The following SCN11A variants were observed in gnomAD, a reference collection of about 807,000 sequenced individuals.
SCN11A encodes sodium channel protein type 11 subunit alpha.
SCN11A carries 122 observed loss-of-function variants against 162.2 expected under a neutral mutation model. The ratio of observed to expected loss-of-function variants is 0.75; its 90% CI spans 0.65 to 0.87. SCN11A has a LOEUF of 0.87. Ranked by LOEUF, SCN11A falls within the 40% of genes least tolerant of loss-of-function variation. The pLI is 0.00. For synonymous variants in SCN11A, 758 were observed against 751.5 expected, an observed-to-expected ratio of 1.01 and a Z score of -0.14; for missense variants, 2,015 against 2,181.6, an observed-to-expected ratio of 0.92 and a Z score of 1.52.
chr3:38,889,746 G>A (rs1046035111), intron 19 of SCN11A, among the ~76,000 whole-genome samples: 2 of 150,974 alleles, frequency 1.3e-5, no homozygotes, highest in African/African-American at 4.9e-5. Context: ...CTTGCAGTGA[G>A]CGGAGATCAT....
At chr3:38,861,007 A>G (rs1225697598) in intron 28 of SCN11A, among the ~76,000 whole-genome samples, 1 of 152,218 alleles carries the variant, frequency 6.6e-6, no homozygotes, top group Non-Finnish European at 1.5e-5. Flanking sequence ...GACTCATCCA[A>G]AAAGCTCCTA....
chr3:38,920,708 G>A (rs1235655341), intron 10 of SCN11A, among the ~76,000 whole-genome samples: 4 of 148,244 alleles, frequency 2.7e-5, no homozygotes, highest in African/African-American at 7.5e-5. Flanking sequence ...AAAAAAAGAC[G>A]TGTCATTGGA....
intron 9 of SCN11A, among the ~76,000 whole-genome samples, chr3:38,924,712 T>C (rs188456742): frequency 4.2e-4 from 64 of 152,216 alleles, no homozygotes; most frequent in Admixed American, 1.7e-3. Flanking sequence ...CTTTTCCATA[T>C]TGGCCAGGCT....
At chr3:38,964,002 T>C (rs895441426) in intron 2 of SCN11A, among the ~76,000 whole-genome samples, 10 of 152,238 alleles carry the variant, frequency 6.6e-5, no homozygotes, top group African/African-American at 2.4e-4. Flanking sequence ...ATTCCAAGTG[T>C]AAAGACTTAA....
chr3:39,026,085 C>T (rs527321861), intron 2 of SCN11A: 2 of 152,058 alleles, frequency 1.3e-5, no homozygotes, highest in African/African-American at 4.8e-5. Flanking sequence ...TGAAGTGTTC[C>T]ATATTTTTAT....
rs1257273027 is a variant in SCN11A, at chr3:38,880,112, A to T, written c.3231T>A (p.Asp1077Glu). Reference protein sequence around the residue: ...LLSSGALIFEDVHLENQPKIQ... With the variant: ...LLSSGALIFEEVHLENQPKIQ... Reference sequence around the variant, plus strand: ...TTTTGGGTTGGTTCTCAAGGTGAACATCTTCAAATATCTGAAATGAAAAAG... The same window carrying T: ...TTTTGGGTTGGTTCTCAAGGTGAACTTCTTCAAATATCTGAAATGAAAAAG... Residue 1077 changes from aspartate (D) to glutamate (E), a missense_variant, in exon 23 of 30, where the codon GAT becomes GAA. By Grantham distance (45) the Asp-to-Glu change is conservative. Coordinates refer to ENST00000302328, the MANE Select transcript of SCN11A (RefSeq NM_001349253.2). 2 of 1,606,000 alleles carry T rather than the reference A, an allele frequency of 1.2e-6. No individual in the cohort carries two copies. Among genetic ancestry groups the T allele is most frequent in the African/African-American group, 2.7e-5 (2 of 74,466 alleles).
intron 11 of SCN11A, among the ~76,000 whole-genome samples, chr3:38,918,121 A>G (rs144187778): frequency 6.7e-6 from 1 of 150,108 alleles, no homozygotes; most frequent in Non-Finnish European, 1.5e-5. Flanking sequence ...AGACTTGGGA[A>G]AAAAAAAAAG....
At chr3:38,973,598 G>C (rs909278474) in intron 2 of SCN11A, among the ~76,000 whole-genome samples, 1 of 152,034 alleles carries the variant, frequency 6.6e-6, no homozygotes, top group South Asian at 2.1e-4. Context: ...CTAAAATATT[G>C]GATAAAATAT....
chr3:38,867,501 A>C, intron 26 of SCN11A, 43 bp from the exon 27 acceptor site: 1 of 1,496,958 alleles, frequency 6.7e-7, no homozygotes, highest in Non-Finnish European at 9.2e-7. Context: ...CAATTACTGG[A>C]GAAAAATATA....
rs142265546 is a variant in SCN11A at position 39,037,532 on chromosome 3, G to A, written c.-403-5029C>T. On this transcript the variant is annotated intron_variant, in intron 1 of 29. Coordinates refer to ENST00000302328, the MANE Select transcript of SCN11A (RefSeq NM_001349253.2). ...TATGAATGTTTCAGGTAATAGATAC[G>A]CCATATACCCTGATGTGATTATTGC... Among the ~76,000 whole-genome samples, 1,287 of 152,124 alleles carry A rather than the reference G, an allele frequency of 8.5e-3. 14 individuals carry two copies. Among genetic ancestry groups the A allele is most frequent in the African/African-American group, 0.026 (1,063 of 41,494 alleles).
intron 2 of SCN11A, among the ~76,000 whole-genome samples, chr3:38,965,018 C>T (rs1443714536): frequency 6.6e-6 from 1 of 152,178 alleles, no homozygotes; most frequent in African/African-American, 2.4e-5. Context: ...CCAAAGTGAA[C>T]AGAGCATTGT....
At chr3:39,024,554 G>A (rs1029489416) in intron 2 of SCN11A, among the ~76,000 whole-genome samples, 1 of 152,164 alleles carries the variant, frequency 6.6e-6, no homozygotes, top group Non-Finnish European at 1.5e-5. Context: ...TGTTCCCCAA[G>A]GCAGGTCACA....
chr3:38,870,401 C>T (rs979355303), intron 26 of SCN11A, among the ~76,000 whole-genome samples: 1 of 152,182 alleles, frequency 6.6e-6, no homozygotes, highest in Non-Finnish European at 1.5e-5. Context: ...TCAAGGCATC[C>T]TGTGATTCTG....
chr3:38,922,544 C>T (rs1488560332), intron 9 of SCN11A, among the ~76,000 whole-genome samples: 7 of 152,186 alleles, frequency 4.6e-5, no homozygotes, highest in South Asian at 2.1e-4. Flanking sequence ...GAGATGAAGA[C>T]GGGGACATGA....
intron 28 of SCN11A, among the ~76,000 whole-genome samples, chr3:38,857,631 A>C (rs1293439428): frequency 6.6e-6 from 1 of 152,138 alleles, no homozygotes; most frequent in African/African-American, 2.4e-5. Context: ...ACAACCAAAT[A>C]AGAAGCTCGA....
intron 2 of SCN11A, among the ~76,000 whole-genome samples, chr3:39,018,283 T>A (rs543776054): frequency 6.6e-6 from 1 of 152,302 alleles, no homozygotes; most frequent in East Asian, 1.9e-4. Context: ...TCTCTACAGA[T>A]CTCTGGGTTT....
chr3:38,882,594 G>A (rs2065327357), intron 22 of SCN11A, among the ~76,000 whole-genome samples: 1 of 152,268 alleles, frequency 6.6e-6, no homozygotes, highest in South Asian at 2.1e-4. Context: ...TAGCAGGGAG[G>A]AGAAAGGGAG....
At chr3:38,944,835 C>T (rs902239752) in intron 7 of SCN11A, among the ~76,000 whole-genome samples, 10 of 151,746 alleles carry the variant, frequency 6.6e-5, no homozygotes, top group African/African-American at 1.7e-4. Flanking sequence ...CGGTGGCAGG[C>T]GTCTGTAATC....
intron 18 of SCN11A, among the ~76,000 whole-genome samples, chr3:38,895,399 T>A (rs777543753): frequency 1.3e-5 from 2 of 152,226 alleles, no homozygotes; most frequent in Non-Finnish European, 2.9e-5. Context: ...ATTTGTGAGA[T>A]GATGTACTTT....
Sources: gnomAD v4.1 joint callset for allele counts (sites outside exome capture counted in the v4.1 genomes callset) on GRCh38, gnomAD v4.1.1 for gene constraint, MANE v1.5 for transcripts, NCBI Gene and HGNC (gene_info 2026-07-23, HGNC 2026-07-21) for gene names.